Variants in OSBPL11 observed in about 807,000 individuals in gnomAD.
OSBPL11 encodes oxysterol-binding protein-related protein 11.
Under a neutral mutation model 84.4 loss-of-function variants are expected in OSBPL11, and 33 were observed. That is an observed-to-expected ratio of 0.39 (90% CI 0.30 to 0.52). The LOEUF (loss-of-function observed/expected upper bound fraction) is 0.52. Ranked by LOEUF, OSBPL11 falls within the 20% of genes least tolerant of loss-of-function variation. The probability of loss-of-function intolerance (pLI) is 0.72; values close to 1 mark genes in which losing one functional copy is unlikely to be tolerated. For missense variants in OSBPL11, 736 were observed against 901.1 expected, an observed-to-expected ratio of 0.82 and a Z score of 2.35; for synonymous variants, 276 against 310.2, an observed-to-expected ratio of 0.89 and a Z score of 1.16.
At position 125,571,922 on chromosome 3, in the gene OSBPL11, G is replaced by A. The variant is rs146719038; in HGVS notation, c.666+4267C>T. Among the ~76,000 whole-genome samples, 265 of 152,330 alleles carry A rather than the reference G, an allele frequency of 1.7e-3. 1 individual carries two copies. Among genetic ancestry groups the A allele is most frequent in the Middle Eastern group, 0.014 (4 of 294 alleles). ...TGAGTAGAGCTGTGAGAAGAGGGCC[G>A]CTGTCCTCCAAAACTCAGAATGTTA... On this transcript the variant is annotated intron_variant, in intron 5 of 12. Transcript: ENST00000296220.
At chr3:125,539,529 C>G (rs1432973714) in intron 10 of OSBPL11, among the ~76,000 whole-genome samples, 4 of 151,740 alleles carry the variant, frequency 2.6e-5, no homozygotes, top group African/African-American at 9.7e-5. Flanking sequence ...GCAACCTCTG[C>G]CTCCTGGGTT....
intron 8 of OSBPL11, 119 bp from the exon 9 acceptor site, chr3:125,552,798 G>GA: frequency 8.3e-7 from 1 of 1,206,230 alleles, no homozygotes; most frequent in South Asian, 1.6e-5. Flanking sequence ...AAGTCACAAA[G>GA]AAAAAGTATT....
Position 125,579,894 on chromosome 3 carries a change from G to A in OSBPL11, c.380C>T (p.Ala127Val). The A allele has an allele frequency of 6.2e-7, 1 of 1,614,146 alleles. No homozygotes were observed. Among genetic ancestry groups the A allele is most frequent in the Non-Finnish European group, 8.5e-7 (1 of 1,180,018 alleles). The change falls in exon 3 of 13, where the codon GCT becomes GTT. Residue 127 changes from alanine (A) to valine (V), a missense_variant. By Grantham distance (64) the Ala-to-Val change is moderately conservative (BLOSUM62 0). Around this residue, in one of 3 missense-constraint regions of OSBPL11, gnomAD observed 43 missense variants for 78.7 expected, o/e 0.55. Transcript: ENST00000296220. ...DEDSHTFTVNAASGEQYKLRA... is the reference protein window; with the variant it reads ...DEDSHTFTVNVASGEQYKLRA... ...GAGTTTATATTGTTCCCCACTGGCA[G>A]CGTTTACAGTGAAGGTGTGAGAATC...
chr3:125,536,862 A>AT (rs1402900298), intron 11 of OSBPL11, among the ~76,000 whole-genome samples: 3 of 152,130 alleles, frequency 2.0e-5, no homozygotes, highest in Admixed American at 6.6e-5. Flanking sequence ...CAGAATACTA[A>AT]TAAGACATGT....
In OSBPL11 at chr3:125,532,035, AT is replaced by A. The variant is rs759716739; in HGVS notation, c.2025-22del. ...ATCGCCTGAAATCCAAAAACCACAC[AT>A]TTTACAAGCATTCTTTAAAAGAGAT... is the stretch of plus-strand genomic sequence containing the variant. On this transcript the variant is annotated intron_variant, in intron 11 of 12. Transcript: ENST00000296220. The A allele has an allele frequency of 6.3e-6, 10 of 1,591,434 alleles. No individual in the cohort carries two copies. The South Asian group carries it at 1.0e-4, about 17-fold the overall frequency.
chr3:125,582,837 A>G (rs1936449105), intron 2 of OSBPL11, 73 bp downstream of exon 2: 2 of 1,105,784 alleles, frequency 1.8e-6, no homozygotes, highest in Admixed American at 2.4e-5. Flanking sequence ...AAGTAATATC[A>G]AAATATAAAA....
At chr3:125,568,849 C>A (rs7653821) in intron 5 of OSBPL11, among the ~76,000 whole-genome samples, 1 of 152,172 alleles carries the variant, frequency 6.6e-6, no homozygotes, top group Non-Finnish European at 1.5e-5. Flanking sequence ...GAGCAGAAGG[C>A]TCTCTAATGG....
chr3:125,531,167 T>TG (rs1240780756), intron 12 of OSBPL11, among the ~76,000 whole-genome samples: 1 of 149,556 alleles, frequency 6.7e-6, no homozygotes, highest in Admixed American at 6.7e-5. Flanking sequence ...TTAGTAGAGA[T>TG]GGGGGTTTCA....
chr3:125,532,135 G>T, intron 11 of OSBPL11, 121 bp from the exon 12 acceptor site: 1 of 1,004,598 alleles, frequency 1.0e-6, no homozygotes, highest in Non-Finnish European at 1.4e-6. Context: ...CATCTACAAT[G>T]TCATGCTTAT....
chr3:125,538,379 A>C, intron 11 of OSBPL11, 72 bp downstream of exon 11: 1 of 1,435,828 alleles, frequency 7.0e-7, no homozygotes, highest in Non-Finnish European at 9.5e-7. Context: ...CAAGGTCACC[A>C]GTTAGTGAAA....
intron 1 of OSBPL11, among the ~76,000 whole-genome samples, chr3:125,589,567 A>G (rs1936567348): frequency 6.6e-6 from 1 of 152,048 alleles, no homozygotes; most frequent in Non-Finnish European, 1.5e-5. Flanking sequence ...ACAGAAAACA[A>G]AAACTAGAGT....
At chr3:125,582,720 C>T (rs918360962) in intron 2 of OSBPL11, among the ~76,000 whole-genome samples, 190 bp downstream of exon 2, 1 of 152,210 alleles carries the variant, frequency 6.6e-6, no homozygotes, top group African/African-American at 2.4e-5. Flanking sequence ...TTAGAGGCTG[C>T]TACTTGGACA....
intron 7 of OSBPL11, among the ~76,000 whole-genome samples, chr3:125,561,396 C>T (rs1359029921): frequency 6.6e-6 from 1 of 152,190 alleles, no homozygotes; most frequent in Admixed American, 6.5e-5. Context: ...TCAAAAGACT[C>T]TTTCTTCCTA....
intron 4 of OSBPL11, among the ~76,000 whole-genome samples, chr3:125,576,939 T>C (rs775887986): frequency 6.6e-6 from 1 of 152,182 alleles, no homozygotes; most frequent in Non-Finnish European, 1.5e-5. Flanking sequence ...CCACCTCAGC[T>C]TCCCGAAGTG....
chr3:125,572,116 A>C (rs1936252196), intron 5 of OSBPL11, among the ~76,000 whole-genome samples: 1 of 152,236 alleles, frequency 6.6e-6, no homozygotes, highest in Admixed American at 6.5e-5. Context: ...TGAGACATGG[A>C]GTCAAAGGGG....
Position 125,579,005 on chromosome 3 carries a change from G to A in OSBPL11, c.444C>T (p.Ser148=). The change falls in exon 4 of 13, where the codon AGC becomes AGT. Residue 148 remains serine (S), a synonymous_variant. Transcript: ENST00000296220. The part of the protein sequence containing the change: ...TDAKERQHWV[S]RLQICTQHHT... ...GATGCTGTGTACATATCTGAAGTCT[G>A]CTAACCCAGTGCTGTCGCTCTTTTG... 1 of 1,597,840 alleles carries A rather than the reference G, an allele frequency of 6.3e-7. No homozygotes were observed. The highest frequency in any genetic ancestry group is 2.3e-5 in the East Asian group (1 of 44,230).
chr3:125,561,254 T>C (rs948675639), intron 7 of OSBPL11, among the ~76,000 whole-genome samples: 17 of 152,206 alleles, frequency 1.1e-4, no homozygotes, highest in Non-Finnish European at 2.4e-4. Flanking sequence ...TGCCTTGGCC[T>C]CCCAAAGTGC....
intron 1 of OSBPL11, 43 bp downstream of exon 1, chr3:125,594,594 C>G (rs771471556): frequency 1.3e-6 from 2 of 1,599,254 alleles, no homozygotes; most frequent in Non-Finnish European, 8.5e-7. Context: ...CATATTCACC[C>G]CTACCTCCAC....
intron 9 of OSBPL11, among the ~76,000 whole-genome samples, chr3:125,549,334 CT>C (rs1935867302): frequency 6.6e-6 from 1 of 152,140 alleles, no homozygotes. Flanking sequence ...CCATTCCTGA[CT>C]TTTACTTACT....
Sources: gnomAD v4.1 joint callset for allele counts (sites outside exome capture counted in the v4.1 genomes callset) on GRCh38, gnomAD v4.1.1 for gene constraint, gnomAD v4.1.1 regional missense constraint, MANE v1.5 for transcripts, NCBI Gene and HGNC (gene_info 2026-07-23, HGNC 2026-07-21) for gene names.